Variants in PLXDC2 observed in about 807,000 individuals in gnomAD.
PLXDC2 encodes the protein plexin domain-containing protein 2.
Under a neutral mutation model 68.9 loss-of-function variants are expected in PLXDC2, and 40 were observed. The observed-to-expected ratio is 0.58, with a 90% confidence interval of 0.45 to 0.76. PLXDC2 has a LOEUF of 0.76. Ranked by LOEUF, PLXDC2 falls within the 30% of genes least tolerant of loss-of-function variation. The pLI, the probability that PLXDC2 is intolerant of heterozygous loss-of-function variation, is 0.00. For synonymous variants in PLXDC2, 243 were observed against 234.2 expected (o/e 1.04, Z -0.34); for missense variants, 644 against 661.9 (o/e 0.97, Z 0.30).
chr10:20,129,402 T>G (rs2131774323), intron 4 of PLXDC2, among the ~76,000 whole-genome samples: 1 of 152,224 alleles, frequency 6.6e-6, no homozygotes, highest in Non-Finnish European at 1.5e-5. Context: ...TGCAAATGTC[T>G]TCTCCCATTC....
At chr10:20,205,151 T>G (rs986651233) in intron 9 of PLXDC2, among the ~76,000 whole-genome samples, 8 of 152,268 alleles carry the variant, frequency 5.3e-5, no homozygotes, top group Middle Eastern at 6.8e-3. Flanking sequence ...TCTCTTGAAT[T>G]GATACATGCC....
In PLXDC2 at chr10:20,182,156, G is replaced by A. The variant is rs1051357755; in HGVS notation, c.1061+4747G>A. Among the ~76,000 whole-genome samples the A allele has an allele frequency of 2.8e-4, 42 of 151,082 alleles. 2 individuals carry two copies. The highest frequency in any genetic ancestry group is 3.2e-3 in the Middle Eastern group (1 of 314). The stretch of plus-strand genomic sequence containing the variant: ...ATAATAAAATACACACATTTTAAAT[G>A]TATGAGGCAGCTTTAAAAAGCGTAA... On this transcript the variant is annotated intron_variant, in intron 9 of 13. Coordinates refer to ENST00000377252, the MANE Select transcript of PLXDC2 (RefSeq NM_032812.9).
At chr10:19,859,575 G>T (rs941990194) in intron 1 of PLXDC2, among the ~76,000 whole-genome samples, 4 of 152,106 alleles carry the variant, frequency 2.6e-5, no homozygotes, top group African/African-American at 9.7e-5. Context: ...GTAAGCTGTA[G>T]TGTGTTGACC....
intron 1 of PLXDC2, among the ~76,000 whole-genome samples, chr10:19,904,943 G>A (rs1453520331): frequency 1.3e-5 from 2 of 152,190 alleles, no homozygotes; most frequent in Admixed American, 6.5e-5. Context: ...CTAGTGTCAT[G>A]TAGAATAGGA....
Position 20,285,756 on chromosome 10 carries a change from C to CA in PLXDC2, c.*5943dup. On this transcript the variant is annotated 3_prime_UTR_variant, in exon 14 of 14. Coordinates refer to ENST00000377252, the MANE Select transcript of PLXDC2 (RefSeq NM_032812.9). ...GAGGTATTCAGAAACACCAGTGTAT[C>CA]AAAAAAGCATTTGCACTTTAGGTGT... The CA allele has an allele frequency of 6.6e-6, 1 of 152,208 alleles. No individual in the cohort carries two copies. Among genetic ancestry groups the CA allele is most frequent in the Non-Finnish European group, 1.5e-5 (1 of 68,002 alleles). 9.4% of individuals were successfully genotyped at this position (152,208 alleles called of 1,614,324 possible).
intron 9 of PLXDC2, among the ~76,000 whole-genome samples, chr10:20,209,252 C>T (rs539820823): frequency 6.6e-5 from 10 of 152,046 alleles, no homozygotes; most frequent in Non-Finnish European, 1.0e-4. Flanking sequence ...CCTTAGAAGA[C>T]GGCCGCCCCT....
intron 13 of PLXDC2, 49 bp from the exon 14 acceptor site, chr10:20,279,654 A>T: frequency 6.9e-7 from 1 of 1,449,344 alleles, no homozygotes; most frequent in Non-Finnish European, 9.7e-7. Context: ...TTCTGGTGCT[A>T]GAATCTTACC....
At position 19,818,227 on chromosome 10, in the gene PLXDC2, G is replaced by GGTGTGTGT. The variant is rs749435110; in HGVS notation, c.112+1075_112+1082dup. Among the ~76,000 whole-genome samples the GGTGTGTGT allele has an allele frequency of 6.9e-3, 943 of 137,582 alleles. 15 individuals are homozygous for GGTGTGTGT. The highest frequency in any genetic ancestry group is 0.016 in the East Asian group (73 of 4,504). The allele number at this position is 137,582 out of a possible 152,430, so 90.3% of individuals were successfully genotyped here. On this transcript the variant is annotated intron_variant, in intron 1 of 13. Transcript: ENST00000377252. Reference sequence around the variant, plus strand: ...TCAATTTGTCAATTTGTTCTTTTCTGGTGTGTGTGTGTGTGTGTGTGTGTG... The same window carrying GGTGTGTGT: ...TCAATTTGTCAATTTGTTCTTTTCTGGTGTGTGTGTGTGTGTGTGTGTGTGTGTGTGTG...
At chr10:19,967,233 A>G (rs1193055633) in intron 1 of PLXDC2, among the ~76,000 whole-genome samples, 1 of 152,212 alleles carries the variant, frequency 6.6e-6, no homozygotes, top group East Asian at 1.9e-4. Flanking sequence ...TTAGCAAAAA[A>G]TAGTAATTTA....
At chr10:19,989,194 T>G (rs1448423620) in intron 1 of PLXDC2, among the ~76,000 whole-genome samples, 1 of 152,160 alleles carries the variant, frequency 6.6e-6, no homozygotes, top group Non-Finnish European at 1.5e-5. Context: ...TAACAAAATG[T>G]AAATGGTTTT....
At chr10:20,266,126 A>G (rs933998110) in intron 13 of PLXDC2, among the ~76,000 whole-genome samples, 9 of 152,214 alleles carry the variant, frequency 5.9e-5, no homozygotes, top group Non-Finnish European at 1.0e-4. Flanking sequence ...ATAAGGTCAC[A>G]TAAGACGTTT....
At chr10:20,260,098 A>T (rs12258325) in intron 13 of PLXDC2, among the ~76,000 whole-genome samples, 3,732 of 152,208 alleles carry the variant, frequency 0.025, 141 homozygotes, top group African/African-American at 0.084. Flanking sequence ...GTATACAACA[A>T]TGACATTTTT....
intron 1 of PLXDC2, among the ~76,000 whole-genome samples, chr10:19,930,485 T>C (rs1833609800): frequency 6.6e-6 from 1 of 152,142 alleles, no homozygotes; most frequent in Admixed American, 6.5e-5. Context: ...GAAGCTGATA[T>C]TTGTACTCAG....
At chr10:20,001,579 G>C (rs1834938857) in intron 1 of PLXDC2, among the ~76,000 whole-genome samples, 196 bp from the exon 2 acceptor site, 1 of 152,134 alleles carries the variant, frequency 6.6e-6, no homozygotes, top group South Asian at 2.1e-4. Flanking sequence ...CACAACTCCT[G>C]GTGTTTCCTG....
chr10:19,860,288 AGAATGAGTTAAGAGC>A (rs1837294986), intron 1 of PLXDC2, among the ~76,000 whole-genome samples: 1 of 152,226 alleles, frequency 6.6e-6, no homozygotes, highest in Admixed American at 6.5e-5. Context: ...CAAGCTTGGC[AGAATGAGTTAAGAGC>A]AAACAAAGTC....
At chr10:20,113,626 A>T (rs1833585460) in intron 4 of PLXDC2, among the ~76,000 whole-genome samples, 1 of 151,980 alleles carries the variant, frequency 6.6e-6, no homozygotes, top group Non-Finnish European at 1.5e-5. Context: ...CTTACTATTT[A>T]AAAAAAAATT....
chr10:20,176,494 G>A (rs541578401), intron 7 of PLXDC2, among the ~76,000 whole-genome samples: 1 of 151,950 alleles, frequency 6.6e-6, no homozygotes, highest in South Asian at 2.1e-4. Context: ...TGATCACCAG[G>A]AAATGGAAGA....
chr10:19,834,323 G>C (rs1836748448), intron 1 of PLXDC2, among the ~76,000 whole-genome samples: 1 of 138,674 alleles, frequency 7.2e-6, no homozygotes, highest in Non-Finnish European at 1.6e-5. Context: ...CAGAGAAAGA[G>C]AGAGGTAGAG....
Position 20,279,985 on chromosome 10 carries a change from G to T in PLXDC2, c.*166G>T, listed in dbSNP as rs1836060718. ...ACAAGCTCAGCCCAGGAAACAAAGG[G>T]TAAACAAAAAACTAAAACTTATACA... On this transcript the variant is annotated 3_prime_UTR_variant, in exon 14 of 14. Coordinates refer to ENST00000377252, the MANE Select transcript of PLXDC2 (RefSeq NM_032812.9). 1 of 589,652 alleles carries T rather than the reference G, an allele frequency of 1.7e-6. No individual in the cohort carries two copies. The highest frequency in any genetic ancestry group is 3.0e-6 in the Non-Finnish European group (1 of 334,510). 36.5% of individuals were successfully genotyped at this position (589,652 alleles called of 1,614,324 possible).
Sources: gnomAD v4.1 joint callset for allele counts (sites outside exome capture counted in the v4.1 genomes callset) on GRCh38, gnomAD v4.1.1 for gene constraint, MANE v1.5 for transcripts, NCBI Gene and HGNC (gene_info 2026-07-23, HGNC 2026-07-21) for gene names.